Variants in GPR132 observed in about 807,000 individuals in gnomAD.
The protein encoded by GPR132 is G protein-coupled receptor 132.
Under a neutral mutation model 1.9 loss-of-function variants are expected in GPR132, and 4 were observed. That is an observed-to-expected ratio of 2.13 (90% CI 1.05 to 4.87). GPR132 has a LOEUF of 4.87. Ranked by LOEUF, GPR132 falls within the 30% of genes most tolerant of loss-of-function variation. The pLI is 0.01. For missense variants in GPR132, 404 were observed against 512.5 expected (o/e 0.79, Z 2.04); for synonymous variants, 233 against 234.2 (o/e 0.99, Z 0.05).
At chr14:105,053,536 G>A (rs1006307764) in intron 3 of GPR132, among the ~76,000 whole-genome samples, 1 of 152,184 alleles carries the variant, frequency 6.6e-6, no homozygotes, top group African/African-American at 2.4e-5. Flanking sequence ...TCCTGTGGGA[G>A]TGGTGGATTT....
chr14:105,064,049 C>G lies in GPR132; in HGVS notation c.-861+1330G>C, dbSNP rs57029322. Among the ~76,000 whole-genome samples the G allele has an allele frequency of 1.5e-3, 220 of 151,050 alleles. 6 individuals carry two copies. The East Asian group carries it at 0.028, about 19-fold the overall frequency. ...AGACAGGGTTTCACCATATTGGTTA[C>G]GCTGGTCTCGAACTCCTGACCTCAG... On this transcript the variant is annotated intron_variant, in intron 1 of 3. Coordinates refer to ENST00000329797, the MANE Select transcript of GPR132 (RefSeq NM_013345.4).
In GPR132 at chr14:105,060,416, G is replaced by A. The variant is rs540746179; in HGVS notation, c.-860-3136C>T. 4.6e-5 allele frequency among the ~76,000 whole-genome samples: 7 copies of A among 152,274 alleles called. No homozygotes were observed. The highest frequency in any genetic ancestry group is 7.2e-5 in the African/African-American group (3 of 41,564). On this transcript the variant is annotated intron_variant, in intron 1 of 3. Coordinates refer to ENST00000329797, the MANE Select transcript of GPR132 (RefSeq NM_013345.4). The surrounding 1 kb of genome is among the most constrained non-coding windows in gnomAD (Gnocchi z 6.3). ...ACCAGTCCTGTTCCTTCTGAGCCCC[G>A]GGGGTGTGGGGGGCCCGACCAGCCT... is the stretch of plus-strand genomic sequence containing the variant.
chr14:105,061,746 G>T (rs74090201), intron 1 of GPR132, among the ~76,000 whole-genome samples: 6,322 of 152,246 alleles, frequency 0.042, 328 homozygotes, highest in East Asian at 0.22. Flanking sequence ...CCCTCCTGGG[G>T]GGGGGGAGTC....
At chr14:105,057,747 G>A (rs2140933197) in intron 1 of GPR132, among the ~76,000 whole-genome samples, 1 of 145,300 alleles carries the variant, frequency 6.9e-6, no homozygotes. Flanking sequence ...GGAGTGCAAT[G>A]GCATGATCTC....
intron 1 of GPR132, among the ~76,000 whole-genome samples, chr14:105,063,692 G>T (rs1887009961): frequency 6.6e-6 from 1 of 151,906 alleles, no homozygotes; most frequent in Non-Finnish European, 1.5e-5. Context: ...TGTAACTTAT[G>T]ATGGAACTTT....
In GPR132 at chr14:105,055,688, G is replaced by C. The variant is rs1037504714; in HGVS notation, c.-268C>G. ...TCCCTCCTGTTGCAGCGTGTGCCAGGATTTCCCTTCCTTTCAAAGGCGGGA... is the reference window on the plus strand; with the variant it reads ...TCCCTCCTGTTGCAGCGTGTGCCAGCATTTCCCTTCCTTTCAAAGGCGGGA... On this transcript the variant is annotated 5_prime_UTR_variant, in exon 3 of 4. The change creates a new upstream start codon in the 5' untranslated region. Transcript: ENST00000329797. This position sits in a 1 kb window ranked among gnomAD's most constrained non-coding sequence, Gnocchi z 4.7. The C allele has an allele frequency of 7.8e-6, 4 of 512,474 alleles. No individual in the cohort carries two copies. Among genetic ancestry groups the C allele is most frequent in the African/African-American group, 5.7e-5 (3 of 52,828 alleles). 31.7% of individuals were successfully genotyped at this position (512,474 alleles called of 1,614,324 possible). A position where few individuals can be genotyped will look rare whatever the true frequency, so the allele number is the denominator to read the frequency against.
Position 105,051,912 on chromosome 14 carries a change from G to A in GPR132, c.225C>T (p.Asn75=), listed in dbSNP as rs371334440. The part of the protein sequence containing the change: ...WLALLQVLQG[N]VLAVYLLCLA... Reference sequence around the variant, plus strand: ...GGCAGAGCAGGTAGACGGCCAGCACGTTGCCCTGCAGTACCTGCAGCAGCG... The same window carrying A: ...GGCAGAGCAGGTAGACGGCCAGCACATTGCCCTGCAGTACCTGCAGCAGCG... Residue 75 remains asparagine (N), a synonymous_variant, in exon 4 of 4, where the codon AAC becomes AAT. Coordinates refer to ENST00000329797, the MANE Select transcript of GPR132 (RefSeq NM_013345.4). This position sits in a 1 kb window ranked among gnomAD's most constrained non-coding sequence, Gnocchi z 8.0. 33 of 1,613,406 alleles carry A rather than the reference G, an allele frequency of 2.0e-5. No individual in the cohort carries two copies. The East Asian group carries it at 3.8e-4, about 19-fold the overall frequency.
At chr14:105,058,083 A>G (rs1886848962) in intron 1 of GPR132, 1 of 152,214 alleles carries the variant, frequency 6.6e-6, no homozygotes, top group South Asian at 2.1e-4. Flanking sequence ...AATAGCTCCT[A>G]AAGGCCAGGT....
chr14:105,065,129 G>C (rs1887051547), intron 1 of GPR132, among the ~76,000 whole-genome samples: 1 of 152,130 alleles, frequency 6.6e-6, no homozygotes, highest in African/African-American at 2.4e-5. Context: ...CGGTGACAAA[G>C]ATACAATGGA....
chr14:105,050,624 C>T lies in GPR132; in HGVS notation c.*370G>A, dbSNP rs147130059. On this transcript the variant is annotated 3_prime_UTR_variant, in exon 4 of 4. Coordinates refer to ENST00000329797, the MANE Select transcript of GPR132 (RefSeq NM_013345.4). The surrounding 1 kb of genome is among the most constrained non-coding windows in gnomAD (Gnocchi z 4.0). ...CCAGGCAACGCTTGCAGAAATGCTC[C>T]GCAAATAAAGTCATCGCCACTGATG... The T allele has an allele frequency of 4.8e-5, 13 of 268,516 alleles. No individual in the cohort carries two copies. The highest frequency in any genetic ancestry group is 8.6e-5 in the Non-Finnish European group (12 of 139,388). 16.6% of individuals were successfully genotyped at this position (268,516 alleles called of 1,614,324 possible). A position where few individuals can be genotyped will look rare whatever the true frequency, so the allele number is the denominator to read the frequency against.
chr14:105,051,049 A>G lies in GPR132; in HGVS notation c.1088T>C (p.Val363Ala). ...LADHYTFSRPVHPPGSPCPAK... is the reference protein window; with the variant it reads ...LADHYTFSRPAHPPGSPCPAK... ...AGGGCATGGTGACCCTGGTGGGTGCACGGGCCTGGAGAAGGTGTAGTGGTC... is the reference window on the plus strand; with the variant it reads ...AGGGCATGGTGACCCTGGTGGGTGCGCGGGCCTGGAGAAGGTGTAGTGGTC... Residue 363 changes from valine (V) to alanine (A), a missense_variant, in exon 4 of 4, where the codon GTG (valine) becomes GCG (alanine). Val to Ala is a moderately conservative substitution (Grantham distance 64). Coordinates refer to ENST00000329797, the MANE Select transcript of GPR132 (RefSeq NM_013345.4). The surrounding 1 kb of genome is among the most constrained non-coding windows in gnomAD (Gnocchi z 8.0). 1 of 1,614,128 alleles carries G rather than the reference A, an allele frequency of 6.2e-7. No homozygotes were observed. The highest frequency in any genetic ancestry group is 8.5e-7 in the Non-Finnish European group (1 of 1,180,010).
In GPR132 at chr14:105,055,616, T is replaced by A; in HGVS notation, c.-196A>T. Reference sequence around the variant, plus strand: ...GGCATCTCTGCGTGTCTTCAGCGTGTGTCCTTCCGTGTCTCACGTGCTCCA... The same window carrying A: ...GGCATCTCTGCGTGTCTTCAGCGTGAGTCCTTCCGTGTCTCACGTGCTCCA... On this transcript the variant is annotated 5_prime_UTR_variant, in exon 3 of 4. Coordinates refer to ENST00000329797, the MANE Select transcript of GPR132 (RefSeq NM_013345.4). The surrounding 1 kb of genome is among the most constrained non-coding windows in gnomAD (Gnocchi z 4.7). 1.6e-6 allele frequency: 1 copy of A among 622,774 alleles called. No individual in the cohort carries two copies. Among genetic ancestry groups the A allele is most frequent in the Non-Finnish European group, 2.9e-6 (1 of 341,040 alleles). The allele number at this position is 622,774 out of a possible 1,614,324, so 38.6% of individuals were successfully genotyped here. A position where few individuals can be genotyped will look rare whatever the true frequency, so the allele number is the denominator to read the frequency against.
Position 105,055,296 on chromosome 14 carries a change from C to A in GPR132, c.34+91G>T. ...GAGCCGAGATTGTGCCACTGCACTC[C>A]AGCCTGGGCGATAGAGTGAGACTCA... On this transcript the variant is annotated intron_variant, in intron 3 of 3. Coordinates refer to ENST00000329797, the MANE Select transcript of GPR132 (RefSeq NM_013345.4). The surrounding 1 kb of genome is among the most constrained non-coding windows in gnomAD (Gnocchi z 4.7). 1.3e-6 allele frequency: 1 copy of A among 773,140 alleles called. No individual in the cohort carries two copies. The highest frequency in any genetic ancestry group is 1.3e-5 in the South Asian group (1 of 74,288). 47.9% of individuals were successfully genotyped at this position (773,140 alleles called of 1,614,324 possible). A position where few individuals can be genotyped will look rare whatever the true frequency, so the allele number is the denominator to read the frequency against.
Position 105,050,595 on chromosome 14 carries a change from G to T in GPR132, c.*399C>A, listed in dbSNP as rs976283296. 9.0e-6 allele frequency: 2 copies of T among 221,196 alleles called. No individual in the cohort carries two copies. The highest frequency in any genetic ancestry group is 4.6e-5 in the African/African-American group (2 of 43,814). 13.7% of individuals were successfully genotyped at this position (221,196 alleles called of 1,614,324 possible). A position where few individuals can be genotyped will look rare whatever the true frequency, so the allele number is the denominator to read the frequency against. On this transcript the variant is annotated 3_prime_UTR_variant, in exon 4 of 4. Coordinates refer to ENST00000329797, the MANE Select transcript of GPR132 (RefSeq NM_013345.4). The surrounding 1 kb of genome is among the most constrained non-coding windows in gnomAD (Gnocchi z 4.0). The stretch of plus-strand genomic sequence containing the variant: ...CCCAGAGGGCCCACAATGCACCACC[G>T]CATCCAGGCAACGCTTGCAGAAATG...
In GPR132 at chr14:105,055,244, T is replaced by G; in HGVS notation, c.34+143A>C. Reference sequence around the variant, plus strand: ...TGGGAGGCTGATGCAGGAGAATCCCTTGAACCTGGGAGGCAGAAGCTGCAG... The same window carrying G: ...TGGGAGGCTGATGCAGGAGAATCCCGTGAACCTGGGAGGCAGAAGCTGCAG... On this transcript the variant is annotated intron_variant, in intron 3 of 3. Transcript: ENST00000329797. The surrounding 1 kb of genome is among the most constrained non-coding windows in gnomAD (Gnocchi z 4.7). 1 of 726,546 alleles carries G rather than the reference T, an allele frequency of 1.4e-6. No homozygotes were observed. Among genetic ancestry groups the G allele is most frequent in the Non-Finnish European group, 2.6e-6 (1 of 386,422 alleles). 45.0% of individuals were successfully genotyped at this position (726,546 alleles called of 1,614,324 possible). A position where few individuals can be genotyped will look rare whatever the true frequency, so the allele number is the denominator to read the frequency against.
Position 105,055,463 on chromosome 14 carries a change from C to T in GPR132, c.-43G>A. On this transcript the variant is annotated 5_prime_UTR_variant, in exon 3 of 4. Coordinates refer to ENST00000329797, the MANE Select transcript of GPR132 (RefSeq NM_013345.4). The surrounding 1 kb of genome is among the most constrained non-coding windows in gnomAD (Gnocchi z 4.7). ...CATCGCCAGCATCCGTCGGCAGAACCTTCTCATCTTCCCAAACGGAGACTC... is the reference window on the plus strand; with the variant it reads ...CATCGCCAGCATCCGTCGGCAGAACTTTCTCATCTTCCCAAACGGAGACTC... 1 of 779,438 alleles carries T rather than the reference C, an allele frequency of 1.3e-6. No homozygotes were observed. The highest frequency in any genetic ancestry group is 2.4e-6 in the Non-Finnish European group (1 of 416,744). 48.3% of individuals were successfully genotyped at this position (779,438 alleles called of 1,614,324 possible).
intron 3 of GPR132, among the ~76,000 whole-genome samples, chr14:105,054,694 G>A (rs1159528724): frequency 6.7e-6 from 1 of 149,984 alleles, no homozygotes; most frequent in Non-Finnish European, 1.5e-5. Flanking sequence ...GCCTCCCAAA[G>A]TGCTGGGATT....
At position 105,056,206 on chromosome 14, in the gene GPR132, A is replaced by G; in HGVS notation, c.-746-40T>C. ...AGAGTGGGTGTGACTGGGCTGCCTC[A>G]CACTCAGTTGTCACCACTTCGCCCA... On this transcript the variant is annotated intron_variant, in intron 2 of 3. Transcript: ENST00000329797. This position sits in a 1 kb window ranked among gnomAD's most constrained non-coding sequence, Gnocchi z 6.0. 1 of 981,858 alleles carries G rather than the reference A, an allele frequency of 1.0e-6. No individual in the cohort carries two copies. Among genetic ancestry groups the G allele is most frequent in the Non-Finnish European group, 1.2e-6 (1 of 826,910 alleles). 60.8% of individuals were successfully genotyped at this position (981,858 alleles called of 1,614,324 possible).
chr14:105,061,428 C>G (rs1886939487), intron 1 of GPR132, among the ~76,000 whole-genome samples: 1 of 152,244 alleles, frequency 6.6e-6, no homozygotes, highest in Admixed American at 6.5e-5. Context: ...CCCCTGGGAG[C>G]CTCTGCCTCC....
Sources: gnomAD v4.1 joint callset for allele counts (sites outside exome capture counted in the v4.1 genomes callset) on GRCh38, gnomAD v4.1.1 for gene constraint, Gnocchi (gnomAD v3.1) non-coding constraint, MANE v1.5 for transcripts, NCBI Gene and HGNC (gene_info 2026-07-23, HGNC 2026-07-21) for gene names.